SLCO1B3: variants seen among roughly 807,000 people sequenced by gnomAD.
SLCO1B3 encodes the protein liver-specific organic anion transporter 2.
A neutral mutation model predicts 71.8 loss-of-function variants in SLCO1B3; 72 were observed. That is an observed-to-expected ratio of 1.00 (90% CI 0.83 to 1.22). The LOEUF is 1.22. Among genes scored for constraint, SLCO1B3 ranks in the 50% most tolerant of loss-of-function variants. The pLI, the probability that SLCO1B3 is intolerant of heterozygous loss-of-function variation, is 0.00. For missense variants in SLCO1B3, 911 were observed against 819.7 expected (o/e 1.11, Z -1.36); for synonymous variants, 298 against 278.4 (o/e 1.07, Z -0.70).
chr12:20,858,702 G>T, intron 5 of SLCO1B3, 131 bp downstream of exon 5: 1 of 763,896 alleles, frequency 1.3e-6, no homozygotes, highest in East Asian at 2.6e-5. Context: ...TAGAGAAATG[G>T]AGTATATTTC....
intron 3 of SLCO1B3, among the ~76,000 whole-genome samples, chr12:20,846,925 G>A (rs1041099982): frequency 6.6e-6 from 1 of 151,992 alleles, no homozygotes; most frequent in Non-Finnish European, 1.5e-5. Flanking sequence ...GTCTCTTCCT[G>A]CCAGTGACAC....
In SLCO1B3 at chr12:20,916,372, A is replaced by T. The variant is rs945078156; in HGVS notation, c.*125A>T. ...ATGCATCTATAATAAACTATAAAAA[A>T]TGGGAGTACCCATGGTTAGGATATA... On this transcript the variant is annotated 3_prime_UTR_variant, in exon 16 of 16. Transcript: ENST00000381545. 3.5e-6 allele frequency: 3 copies of T among 866,782 alleles called. No individual in the cohort carries two copies. The highest frequency in any genetic ancestry group is 5.3e-6 in the Non-Finnish European group (3 of 561,506). 53.7% of individuals were successfully genotyped at this position (866,782 alleles called of 1,614,324 possible).
chr12:20,912,028 G>A (rs746057959), intron 15 of SLCO1B3, among the ~76,000 whole-genome samples: 21 of 152,132 alleles, frequency 1.4e-4, no homozygotes, highest in Non-Finnish European at 2.9e-4. Flanking sequence ...ATTGATTTAA[G>A]ATATTCTTCA....
At position 20,880,400 on chromosome 12, in the gene SLCO1B3, C is replaced by CTGTTAGT. The variant is rs548397424; in HGVS notation, c.1332-454_1332-453insGTTAGTT. Among the ~76,000 whole-genome samples the CTGTTAGT allele has an allele frequency of 3.1e-3, 465 of 151,688 alleles. 3 individuals carry two copies. The highest frequency in any genetic ancestry group is 4.8e-3 in the Non-Finnish European group (329 of 67,858). On this transcript the variant is annotated intron_variant, in intron 11 of 15. Coordinates refer to ENST00000381545, the MANE Select transcript of SLCO1B3 (RefSeq NM_019844.4). ...AGATTGTAAAATTCAACAATGTTAA[C>CTGTTAGT]TAACATGCATAGATTCAGAGGATTT...
rs1444974388 is a variant in SLCO1B3, at chr12:20,810,738, G to T, written c.-207G>T. 6.6e-6 allele frequency: 1 copy of T among 152,208 alleles called. No homozygotes were observed. The highest frequency in any genetic ancestry group is 1.5e-5 in the Non-Finnish European group (1 of 68,030). 9.4% of individuals were successfully genotyped at this position (152,208 alleles called of 1,614,324 possible). On this transcript the variant is annotated 5_prime_UTR_variant, in exon 1 of 16. Transcript: ENST00000381545. The stretch of plus-strand genomic sequence containing the variant: ...ACATCAGAAAAAGGATGGACTTGTT[G>T]CAGTTGCTGTAGCATTCAAAGTCAA...
chr12:20,829,855 C>T (rs1349033483), intron 3 of SLCO1B3, among the ~76,000 whole-genome samples: 2 of 152,082 alleles, frequency 1.3e-5, no homozygotes, highest in Non-Finnish European at 2.9e-5. Context: ...CTGATGTGGC[C>T]ATGGCATTTA....
intron 3 of SLCO1B3, among the ~76,000 whole-genome samples, chr12:20,828,718 G>T (rs923434431): frequency 1.3e-5 from 2 of 151,900 alleles, no homozygotes; most frequent in African/African-American, 4.8e-5. Context: ...TTTTAACCAT[G>T]GAACTAAATA....
chr12:20,906,965 GAT>G, intron 15 of SLCO1B3, among the ~76,000 whole-genome samples: 2 of 151,746 alleles, frequency 1.3e-5, no homozygotes, highest in South Asian at 4.2e-4. Context: ...CAATCAAGAA[GAT>G]ATCAATTAAA....
At chr12:20,849,561 A>G (rs977871446) in intron 3 of SLCO1B3, among the ~76,000 whole-genome samples, 12 of 152,256 alleles carry the variant, frequency 7.9e-5, no homozygotes, top group Admixed American at 5.9e-4. Flanking sequence ...GATCCATTAG[A>G]CAAGAAAAAG....
At chr12:20,906,032 T>G (rs958439930) in intron 15 of SLCO1B3, among the ~76,000 whole-genome samples, 3 of 152,102 alleles carry the variant, frequency 2.0e-5, no homozygotes, top group Admixed American at 1.3e-4. Context: ...AACCATCAGA[T>G]CTGGTGAGAA....
At chr12:20,836,451 A>G (rs1158829421) in intron 3 of SLCO1B3, among the ~76,000 whole-genome samples, 1 of 152,136 alleles carries the variant, frequency 6.6e-6, no homozygotes, top group Non-Finnish European at 1.5e-5. Context: ...ATATTGGTCT[A>G]CATTTTTTTG....
At chr12:20,892,819 ATGTC>A in intron 13 of SLCO1B3, among the ~76,000 whole-genome samples, 1 of 148,020 alleles carries the variant, frequency 6.8e-6, no homozygotes, top group South Asian at 2.1e-4. Flanking sequence ...GGCCCCCTGA[ATGTC>A]TGTGCTTATG....
At chr12:20,883,793 T>C (rs1865741385) in intron 13 of SLCO1B3, among the ~76,000 whole-genome samples, 191 bp downstream of exon 13, 6 of 152,314 alleles carry the variant, frequency 3.9e-5, no homozygotes, top group Admixed American at 3.9e-4. Context: ...ATACTTCCAT[T>C]GTCAAATCTA....
intron 15 of SLCO1B3, among the ~76,000 whole-genome samples, chr12:20,913,844 T>G (rs1856388495): frequency 6.6e-6 from 1 of 152,166 alleles, no homozygotes; most frequent in Non-Finnish European, 1.5e-5. Flanking sequence ...CTCAACCTCC[T>G]GGGCTCAAGA....
intron 5 of SLCO1B3, among the ~76,000 whole-genome samples, chr12:20,859,423 G>C (rs1865208120): frequency 6.6e-6 from 1 of 152,068 alleles, no homozygotes; most frequent in Non-Finnish European, 1.5e-5. Flanking sequence ...GTTTGTTAGA[G>C]ACACCAATTC....
chr12:20,898,547 G>A, intron 14 of SLCO1B3, 47 bp downstream of exon 14: 2 of 934,582 alleles, frequency 2.1e-6, no homozygotes, highest in Non-Finnish European at 3.3e-6. Flanking sequence ...AAATATTAAT[G>A]TTAAATACTA....
intron 15 of SLCO1B3, chr12:20,901,860 G>T (rs764752781): frequency 5.6e-5 from 24 of 428,726 alleles, no homozygotes; most frequent in African/African-American, 4.6e-4. Flanking sequence ...ATTGAGGAAA[G>T]AAATGGAAAA....
intron 12 of SLCO1B3, among the ~76,000 whole-genome samples, chr12:20,881,944 G>A (rs749016811): frequency 2.0e-5 from 3 of 152,130 alleles, no homozygotes; most frequent in East Asian, 1.9e-4. Context: ...ATTATTAAAC[G>A]GCATGGAGAA....
At chr12:20,883,396 A>G in intron 12 of SLCO1B3, 22 bp from the exon 13 acceptor site, 10 of 1,413,882 alleles carry the variant, frequency 7.1e-6, no homozygotes, top group Non-Finnish European at 9.5e-6. Flanking sequence ...GTATTTGTTA[A>G]TATTTCAAAA....
Sources: gnomAD v4.1 joint callset for allele counts (sites outside exome capture counted in the v4.1 genomes callset) on GRCh38, gnomAD v4.1.1 for gene constraint, MANE v1.5 for transcripts, NCBI Gene and HGNC (gene_info 2026-07-23, HGNC 2026-07-21) for gene names.